FAM13B: variants seen among roughly 807,000 people sequenced by gnomAD.
FAM13B encodes family with sequence similarity 13 member B.
A neutral mutation model predicts 117.3 loss-of-function variants in FAM13B; 60 were observed. The ratio of observed to expected loss-of-function variants is 0.51; its 90% confidence interval spans 0.42 to 0.63. The LOEUF (loss-of-function observed/expected upper bound fraction) is 0.63. FAM13B is among the 30% of genes least tolerant of loss of function. The probability of loss-of-function intolerance (pLI) is 0.00; values close to 1 mark genes in which losing one functional copy is unlikely to be tolerated. For missense variants in FAM13B, 972 were observed against 1,091.9 expected (o/e 0.89, Z 1.55); for synonymous variants, 332 against 356.1 (o/e 0.93, Z 0.76).
intron 7 of FAM13B, among the ~76,000 whole-genome samples, chr5:137,992,996 T>C (rs1403267238): frequency 1.5e-5 from 1 of 68,346 alleles, no homozygotes; most frequent in Non-Finnish European, 3.7e-5. Flanking sequence ...TACAAGAGGA[T>C]ACTTTACAAC....
intron 14 of FAM13B, among the ~76,000 whole-genome samples, chr5:137,955,774 G>A (rs1766344077): frequency 6.6e-6 from 1 of 152,146 alleles, no homozygotes; most frequent in South Asian, 2.1e-4. Flanking sequence ...TGGTGTTACA[G>A]GCGCCTGCTA....
intron 11 of FAM13B, among the ~76,000 whole-genome samples, chr5:137,960,709 T>G (rs1767896108): frequency 6.6e-6 from 1 of 152,182 alleles, no homozygotes; most frequent in Non-Finnish European, 1.5e-5. Flanking sequence ...AGGTTACTAC[T>G]TCCAAACCTT....
At chr5:138,048,574 A>T (rs555393304) in intron 1 of FAM13B, among the ~76,000 whole-genome samples, 1 of 152,158 alleles carries the variant, frequency 6.6e-6, no homozygotes, top group Non-Finnish European at 1.5e-5. Flanking sequence ...TTTGTACCCA[A>T]GGAAAAAGCT....
Position 138,005,850 on chromosome 5 carries a change from A to G in FAM13B, c.848+1140T>C, listed in dbSNP as rs368639891. Among the ~76,000 whole-genome samples, 6 of 152,078 alleles carry G rather than the reference A, an allele frequency of 3.9e-5. No homozygotes were observed. In the East Asian group the frequency reaches 1.2e-3, roughly 29 times the overall value. On this transcript the variant is annotated intron_variant, in intron 7 of 23. Coordinates refer to ENST00000689681, the MANE Select transcript of FAM13B (RefSeq NM_001385994.1). ...GATAGCTCTTCCCTTAGATATTACC[A>G]GTTACTTTTAAATGACATTTTGCTT...
At chr5:138,015,967 T>C (rs1045585532) in intron 4 of FAM13B, among the ~76,000 whole-genome samples, 1 of 152,264 alleles carries the variant, frequency 6.6e-6, no homozygotes, top group Non-Finnish European at 1.5e-5. Context: ...ATTTCTCATA[T>C]TAAACATGAA....
At chr5:137,999,467 TC>T (rs1780664663) in intron 7 of FAM13B, among the ~76,000 whole-genome samples, 1 of 151,864 alleles carries the variant, frequency 6.6e-6, no homozygotes, top group African/African-American at 2.4e-5. Flanking sequence ...TCCCAGCTAC[TC>T]AGGAGGCTGA....
At chr5:137,997,333 G>A (rs1043966480) in intron 7 of FAM13B, among the ~76,000 whole-genome samples, 10 of 152,080 alleles carry the variant, frequency 6.6e-5, no homozygotes, top group Non-Finnish European at 1.0e-4. Flanking sequence ...GCTGGGCCTG[G>A]TGGCAGGCAC....
chr5:137,945,828 C>A, intron 20 of FAM13B, 74 bp downstream of exon 20: 2 of 1,090,288 alleles, frequency 1.8e-6, no homozygotes, highest in East Asian at 2.4e-5. Context: ...TCCAATATAC[C>A]ACAATAATAA....
chr5:137,944,541 G>A (rs1762876169), intron 20 of FAM13B, among the ~76,000 whole-genome samples: 1 of 152,110 alleles, frequency 6.6e-6, no homozygotes, highest in African/African-American at 2.4e-5. Context: ...GCCGAGGCAG[G>A]TGGATGACAA....
chr5:137,949,152 C>A lies in FAM13B; in HGVS notation c.1963G>T (p.Val655Leu). ...AKHKNSDGEF[V>L]PQTRPRSNTL... ...TTACTACGTGGACGTGTCTGAGGTA[C>A]AAATTCTCCATCAGAATTTTTGTGT... The change falls in exon 18 of 24, where the codon GTA (valine) becomes TTA (leucine). Residue 655 changes from valine (V) to leucine (L), a missense_variant. By Grantham distance (32) the Val-to-Leu change is conservative. Coordinates refer to ENST00000689681, the MANE Select transcript of FAM13B (RefSeq NM_001385994.1). 6.2e-7 allele frequency: 1 copy of A among 1,614,030 alleles called. No individual in the cohort carries two copies. The highest frequency in any genetic ancestry group is 8.5e-7 in the Non-Finnish European group (1 of 1,180,014).
chr5:138,036,932 A>C (rs1791222709), upstream of FAM13B: 1 of 310,354 alleles, frequency 3.2e-6, no homozygotes, highest in Non-Finnish European at 6.2e-6. Context: ...GAGAGGTGCT[A>C]TTGGCTGGTG....
chr5:138,017,544 A>G (rs1199974195), intron 4 of FAM13B, among the ~76,000 whole-genome samples: 4 of 152,320 alleles, frequency 2.6e-5, no homozygotes, highest in East Asian at 1.9e-4. Context: ...CAAGAAATAT[A>G]TAACTCTATA....
intron 4 of FAM13B, among the ~76,000 whole-genome samples, chr5:138,016,711 C>T (rs1785348510): frequency 6.6e-6 from 1 of 152,184 alleles, no homozygotes; most frequent in South Asian, 2.1e-4. Context: ...CTGATAGATT[C>T]TACCAGTGAG....
At chr5:138,019,987 A>T (rs1355419340) in intron 2 of FAM13B, 1 of 980,206 alleles carries the variant, frequency 1.0e-6, no homozygotes, top group Non-Finnish European at 1.2e-6. Context: ...CCTGTAATAC[A>T]TTTTTATAAA....
chr5:137,970,432 G>A (rs950214225), intron 10 of FAM13B, among the ~76,000 whole-genome samples: 5 of 151,622 alleles, frequency 3.3e-5, no homozygotes, highest in African/African-American at 4.8e-5. Flanking sequence ...TCACCACCAG[G>A]CCTGCCCTAA....
At chr5:137,943,353 T>C (rs1379851274) in intron 20 of FAM13B, 137 bp from the exon 21 acceptor site, 4 of 657,420 alleles carry the variant, frequency 6.1e-6, no homozygotes, top group Non-Finnish European at 1.0e-5. Flanking sequence ...TTTTAGGAAT[T>C]GCTTACATTT....
chr5:138,024,865 G>GT (rs1407176431), intron 1 of FAM13B, among the ~76,000 whole-genome samples: 15 of 141,872 alleles, frequency 1.1e-4, no homozygotes, highest in African/African-American at 3.6e-4. Flanking sequence ...TTTTGAGTTT[G>GT]TTTTTTTTGT....
chr5:137,964,678 A>AC (rs1380537753), intron 10 of FAM13B, among the ~76,000 whole-genome samples: 3 of 152,056 alleles, frequency 2.0e-5, no homozygotes, highest in African/African-American at 7.2e-5. Context: ...CCAAGATTGC[A>AC]CCACTGCACT....
rs764498058 is a variant in FAM13B, at chr5:137,940,233, AT to A, written c.2805del (p.Lys935AsnfsTer50). On this transcript the variant is annotated frameshift_variant, in exon 24 of 24. Transcript: ENST00000689681. LOFTEE classifies it high-confidence loss of function. ...EVLISKQDSS[K>X]SI ...TTTTCAAGGAACGTATCTTATATGG[AT>A]TTTGAAGAATCTTGTTTGCTTATAA... 2.5e-6 allele frequency: 4 copies of A among 1,613,874 alleles called. No homozygotes were observed. The highest frequency in any genetic ancestry group is 3.4e-6 in the Non-Finnish European group (4 of 1,179,936).
Sources: gnomAD v4.1 joint callset for allele counts (sites outside exome capture counted in the v4.1 genomes callset) on GRCh38, gnomAD v4.1.1 for gene constraint, MANE v1.5 for transcripts, NCBI Gene and HGNC (gene_info 2026-07-23, HGNC 2026-07-21) for gene names.